Variants in SENP7 observed in about 807,000 individuals in gnomAD.
SENP7 encodes SUMO specific peptidase 7.
A neutral mutation model predicts 141.2 loss-of-function variants in SENP7; 64 were observed. The observed-to-expected ratio is 0.45, with a 90% CI of 0.37 to 0.56. The LOEUF (loss-of-function observed/expected upper bound fraction) is 0.56. Among genes scored for constraint, SENP7 ranks in the 20% least tolerant of loss-of-function variants. SENP7 has a pLI of 0.00. For synonymous variants in SENP7, 382 were observed against 426.4 expected, an observed-to-expected ratio of 0.90 and a Z score of 1.28; for missense variants, 1,025 against 1,212.2, an observed-to-expected ratio of 0.85 and a Z score of 2.29.
chr3:101,445,102 G>A (rs1268860451), intron 4 of SENP7, among the ~76,000 whole-genome samples: 2 of 152,048 alleles, frequency 1.3e-5, no homozygotes, highest in Non-Finnish European at 2.9e-5. Flanking sequence ...AGAGCATCAA[G>A]TCACATATAA....
At chr3:101,504,698 C>T (rs2065524606) in intron 1 of SENP7, among the ~76,000 whole-genome samples, 2 of 152,158 alleles carry the variant, frequency 1.3e-5, no homozygotes, top group Admixed American at 6.6e-5. Flanking sequence ...ACGTCTTTTA[C>T]AGTAACACAG....
chr3:101,428,683 C>A (rs1349407957), intron 4 of SENP7, among the ~76,000 whole-genome samples: 1 of 152,166 alleles, frequency 6.6e-6, no homozygotes, highest in Non-Finnish European at 1.5e-5. Flanking sequence ...TTTTGCTGTG[C>A]AGAAGCTCTT....
At chr3:101,356,849 A>G (rs1489500369) in intron 11 of SENP7, among the ~76,000 whole-genome samples, 1 of 152,216 alleles carries the variant, frequency 6.6e-6, no homozygotes, top group Non-Finnish European at 1.5e-5. Flanking sequence ...AATGTGTGCA[A>G]TAAGATCTGT....
chr3:101,484,993 C>G (rs962652317), intron 3 of SENP7, among the ~76,000 whole-genome samples: 1 of 151,984 alleles, frequency 6.6e-6, no homozygotes, highest in Non-Finnish European at 1.5e-5. Context: ...AGCTTTCCCC[C>G]ACTGCCCTGA....
intron 4 of SENP7, among the ~76,000 whole-genome samples, chr3:101,435,928 A>C (rs2107739638): frequency 6.6e-6 from 1 of 152,308 alleles, no homozygotes; most frequent in Non-Finnish European, 1.5e-5. Flanking sequence ...ACTAATCCTA[A>C]AATTTATATG....
chr3:101,497,081 C>A (rs74819817), intron 2 of SENP7, among the ~76,000 whole-genome samples: 2 of 151,524 alleles, frequency 1.3e-5, no homozygotes, highest in African/African-American at 2.4e-5. Context: ...ATATAAATTA[C>A]GGGATTAAGA....
chr3:101,491,813 C>T (rs1038480314), intron 3 of SENP7, among the ~76,000 whole-genome samples: 1 of 152,182 alleles, frequency 6.6e-6, no homozygotes, highest in Non-Finnish European at 1.5e-5. Context: ...AATAGGAGGT[C>T]GGGCACGGTG....
At chr3:101,433,676 G>T (rs2107729555) in intron 4 of SENP7, among the ~76,000 whole-genome samples, 1 of 152,142 alleles carries the variant, frequency 6.6e-6, no homozygotes, top group East Asian at 1.9e-4. Context: ...AGACAAATGG[G>T]TCACTATATA....
At chr3:101,480,167 G>A (rs2064408221) in intron 3 of SENP7, among the ~76,000 whole-genome samples, 1 of 152,016 alleles carries the variant, frequency 6.6e-6, no homozygotes, top group African/African-American at 2.4e-5. Context: ...AGCAATGAAA[G>A]ATAATAAACC....
intron 1 of SENP7, among the ~76,000 whole-genome samples, chr3:101,506,187 A>G (rs1233279893): frequency 6.6e-6 from 1 of 151,990 alleles, no homozygotes; most frequent in Non-Finnish European, 1.5e-5. Flanking sequence ...TGCCTGGCTA[A>G]TTTTTTATGT....
At chr3:101,438,149 C>T (rs1186198023) in intron 4 of SENP7, among the ~76,000 whole-genome samples, 1 of 152,154 alleles carries the variant, frequency 6.6e-6, no homozygotes, top group Non-Finnish European at 1.5e-5. Flanking sequence ...TTTGTACACC[C>T]ATGTTAACGA....
In SENP7 at chr3:101,417,714, C is replaced by A. The variant is rs766150711; in HGVS notation, c.361G>T (p.Asp121Tyr). 3.1e-6 allele frequency: 5 copies of A among 1,613,942 alleles called. No individual in the cohort carries two copies. Among genetic ancestry groups the A allele is most frequent in the Non-Finnish European group, 4.2e-6 (5 of 1,179,842 alleles). The change falls in exon 5 of 24, where the codon GAT (aspartate) becomes TAT (tyrosine). Residue 121 changes from aspartate to tyrosine, a missense_variant. By Grantham distance (160) the Asp-to-Tyr change is radical (BLOSUM62 -3). Coordinates refer to ENST00000394095, the MANE Select transcript of SENP7 (RefSeq NM_020654.5). ...TTGTTGGCATCACATAAATTAGCAT[C>A]GTTTCTAGGTAGGGTCTTTCTGAAT... ...RKFRKTLPRN[D>Y]ANLCDANKVQ...
chr3:101,387,480 C>A (rs1156977546), intron 6 of SENP7, among the ~76,000 whole-genome samples: 1 of 152,118 alleles, frequency 6.6e-6, no homozygotes, highest in East Asian at 1.9e-4. Context: ...GGGAGCCTGA[C>A]TAGAGACCTG....
intron 4 of SENP7, among the ~76,000 whole-genome samples, chr3:101,446,965 A>G (rs10936629): frequency 0.4 from 60,221 of 151,828 alleles, 12,463 homozygotes; most frequent in Admixed American, 0.54. Context: ...CATAAAGTTG[A>G]CATTGTGCAA....
chr3:101,476,434 C>A (rs1051268708), intron 3 of SENP7, among the ~76,000 whole-genome samples: 2 of 152,092 alleles, frequency 1.3e-5, no homozygotes, highest in Non-Finnish European at 2.9e-5. Context: ...TGAACTCATT[C>A]TTTTTATGGC....
intron 1 of SENP7, among the ~76,000 whole-genome samples, chr3:101,508,816 C>T (rs1289662289): frequency 6.6e-6 from 1 of 152,160 alleles, no homozygotes; most frequent in East Asian, 1.9e-4. Flanking sequence ...TACTAAGTCA[C>T]AAAGTACTAA....
chr3:101,455,278 C>T (rs1383518182), intron 4 of SENP7, among the ~76,000 whole-genome samples: 1 of 152,122 alleles, frequency 6.6e-6, no homozygotes, highest in Non-Finnish European at 1.5e-5. Flanking sequence ...TAACAACATT[C>T]CTCTCCATTA....
chr3:101,473,111 C>T (rs1197834980), intron 3 of SENP7, among the ~76,000 whole-genome samples: 1 of 152,078 alleles, frequency 6.6e-6, no homozygotes, highest in Non-Finnish European at 1.5e-5. Flanking sequence ...ATATGTGCCA[C>T]ATTTTCTTTA....
intron 6 of SENP7, among the ~76,000 whole-genome samples, chr3:101,387,226 G>A (rs2060682782): frequency 6.6e-6 from 1 of 152,116 alleles, no homozygotes; most frequent in Non-Finnish European, 1.5e-5. Flanking sequence ...TGAATGTGCT[G>A]TCCAGGGATT....
Sources: allele counts gnomAD v4.1 joint callset (sites outside exome capture counted in the v4.1 genomes callset), GRCh38; gene constraint gnomAD v4.1.1; transcripts MANE v1.5; gene names NCBI Gene and HGNC (gene_info 2026-07-23, HGNC 2026-07-21).